The following KLHL6 variants were observed in gnomAD, a reference collection of about 807,000 sequenced individuals.
KLHL6 encodes the protein kelch like family member 6, also known as kelch-like protein 6.
In KLHL6, 41 loss-of-function variants were observed where a neutral mutation model predicts 58.6. The ratio of observed to expected loss-of-function variants is 0.70; its 90% CI spans 0.55 to 0.91. The LOEUF (loss-of-function observed/expected upper bound fraction) is 0.91, where lower values mean the gene tolerates loss of function less well. Among genes scored for constraint, KLHL6 ranks in the 40% least tolerant of loss-of-function variants. KLHL6 has a pLI of 0.00. For missense variants in KLHL6, 714 were observed against 805.6 expected (o/e 0.89, Z 1.38); for synonymous variants, 338 against 322.7 (o/e 1.05, Z -0.51).
At chr3:183,497,133 C>T (rs1191303001) in intron 4 of KLHL6, among the ~76,000 whole-genome samples, 6 of 152,026 alleles carry the variant, frequency 3.9e-5, no homozygotes, top group Non-Finnish European at 7.4e-5. Flanking sequence ...AAAAATTAAC[C>T]AGGCATGGTG....
intron 3 of KLHL6, among the ~76,000 whole-genome samples, chr3:183,503,833 G>C (rs1717933206): frequency 6.6e-6 from 1 of 152,146 alleles, no homozygotes; most frequent in African/African-American, 2.4e-5. Flanking sequence ...GATAGGACAA[G>C]AGGGTTAAAG....
At position 183,492,260 on chromosome 3, in the gene KLHL6, G is replaced by A; in HGVS notation, c.1565-32C>T. ...AGAGGGAGGAAACACGGTGGGCATCGCTCCATTTTTCTGGTTTCTTCCCTC... is the reference window on the plus strand; with the variant it reads ...AGAGGGAGGAAACACGGTGGGCATCACTCCATTTTTCTGGTTTCTTCCCTC... On this transcript the variant is annotated intron_variant, in intron 6 of 6. Transcript: ENST00000341319. The surrounding 1 kb of genome is among the most constrained non-coding windows in gnomAD (Gnocchi z 5.9). 3 of 1,535,854 alleles carry A rather than the reference G, an allele frequency of 2.0e-6. No individual in the cohort carries two copies. Among genetic ancestry groups the A allele is most frequent in the Non-Finnish European group, 2.6e-6 (3 of 1,137,306 alleles).
intron 1 of KLHL6, among the ~76,000 whole-genome samples, chr3:183,544,103 C>T (rs1162363430): frequency 6.8e-6 from 1 of 146,996 alleles, no homozygotes; most frequent in Non-Finnish European, 1.5e-5. Flanking sequence ...GTAGAGTTTG[C>T]CGTGAGCTGA....
At chr3:183,551,050 G>A (rs1320887979) in intron 1 of KLHL6, among the ~76,000 whole-genome samples, 16 of 151,174 alleles carry the variant, frequency 1.1e-4, no homozygotes, top group African/African-American at 3.9e-4. Context: ...GAACCCAGGA[G>A]GCGGAGCTTG....
chr3:183,512,263 G>A (rs761297339), intron 2 of KLHL6, among the ~76,000 whole-genome samples: 1 of 152,160 alleles, frequency 6.6e-6, no homozygotes, highest in Non-Finnish European at 1.5e-5. Flanking sequence ...GGGAAGAGGA[G>A]AGGAAAATTA....
chr3:183,546,771 G>T (rs1455726991), intron 1 of KLHL6, among the ~76,000 whole-genome samples: 1 of 152,160 alleles, frequency 6.6e-6, no homozygotes. Flanking sequence ...TTCACAACTT[G>T]CTGGGATCGG....
At chr3:183,506,514 A>C (rs1429564180) in intron 3 of KLHL6, among the ~76,000 whole-genome samples, 3 of 152,304 alleles carry the variant, frequency 2.0e-5, no homozygotes, top group African/African-American at 7.2e-5. Flanking sequence ...GTGATGGAGC[A>C]ATGCACCAAG....
intron 1 of KLHL6, among the ~76,000 whole-genome samples, chr3:183,554,508 A>G (rs1318397333): frequency 6.6e-6 from 1 of 152,168 alleles, no homozygotes; most frequent in African/African-American, 2.4e-5. Flanking sequence ...TCCTGACTTC[A>G]GGCCTTCCCA....
rs559289192 is a variant in KLHL6, at chr3:183,546,016, T to C, written c.293+9345A>G. Among the ~76,000 whole-genome samples, 399 of 152,276 alleles carry C rather than the reference T, an allele frequency of 2.6e-3. 2 individuals carry two copies. The highest frequency in any genetic ancestry group is 9.4e-3 in the African/African-American group (390 of 41,540). ...CAGGATGTCTGCTGAGTGTCAGCCA[T>C]TGCAATGGCATCGAGGAGAAGAATA... On this transcript the variant is annotated intron_variant, in intron 1 of 6. Transcript: ENST00000341319.
At chr3:183,536,656 T>C (rs1712376874) in intron 1 of KLHL6, among the ~76,000 whole-genome samples, 1 of 152,198 alleles carries the variant, frequency 6.6e-6, no homozygotes, top group Admixed American at 6.5e-5. Context: ...ACCAAGGCGT[T>C]AGCACGATAC....
At chr3:183,519,396 G>A (rs1394893474) in intron 2 of KLHL6, among the ~76,000 whole-genome samples, 1 of 152,154 alleles carries the variant, frequency 6.6e-6, no homozygotes, top group East Asian at 1.9e-4. Context: ...GTGCCACATG[G>A]ACCAATAATG....
Position 183,499,577 on chromosome 3 carries a change from G to T in KLHL6, c.1147+13C>A. The T allele has an allele frequency of 1.3e-6, 2 of 1,555,342 alleles. No individual in the cohort carries two copies. The highest frequency in any genetic ancestry group is 2.4e-5 in the South Asian group (2 of 83,376). On this transcript the variant is annotated intron_variant, in intron 4 of 6. Coordinates refer to ENST00000341319, the MANE Select transcript of KLHL6 (RefSeq NM_130446.4). This position sits in a 1 kb window ranked among gnomAD's most constrained non-coding sequence, Gnocchi z 4.6. ...ACTGGAGCTTGCTTTGCCTTTACAT[G>T]ACTCCTGCTTACCTGAGATGTAGAC...
intron 2 of KLHL6, among the ~76,000 whole-genome samples, chr3:183,519,609 C>T (rs753373751): frequency 3.0e-4 from 45 of 152,022 alleles, no homozygotes; most frequent in Admixed American, 7.9e-4. Flanking sequence ...CAGGTTTGGA[C>T]GACCACAGTG....
chr3:183,533,996 A>G (rs1712243695), intron 1 of KLHL6, among the ~76,000 whole-genome samples: 1 of 138,262 alleles, frequency 7.2e-6, no homozygotes, highest in Non-Finnish European at 1.6e-5. Context: ...CAGGTGACCA[A>G]TTTACAGACC....
intron 1 of KLHL6, among the ~76,000 whole-genome samples, chr3:183,535,184 C>T (rs569714094): frequency 2.6e-5 from 4 of 152,246 alleles, no homozygotes; most frequent in African/African-American, 9.6e-5. Flanking sequence ...ACCTTGTGAT[C>T]TGCCCGCCTC....
At chr3:183,510,814 G>A (rs987852312) in intron 2 of KLHL6, among the ~76,000 whole-genome samples, 6 of 151,898 alleles carry the variant, frequency 4.0e-5, no homozygotes, top group African/African-American at 9.7e-5. Context: ...CGGAGGTTGC[G>A]GTTAGCTGAT....
rs750486401 is a variant in KLHL6, at chr3:183,555,632, C to T, written c.22G>A (p.Gly8Ser). The change falls in exon 1 of 7, where the codon GGC becomes AGC. Residue 8 changes from glycine (G) to serine (S), a missense_variant. By Grantham distance (56) the Gly-to-Ser change is moderately conservative (BLOSUM62 0). Around this residue, in one of 2 missense-constraint regions of KLHL6, gnomAD observed 204 missense variants for 175.9 expected, o/e 1.16. Coordinates refer to ENST00000341319, the MANE Select transcript of KLHL6 (RefSeq NM_130446.4). ...ACCACATCACCCATGGTCCAGGCGC[C>T]CCTTTGTCCTGCCATCAACATCGAG... MLMAGQR[G>S]AWTMGDVVEK... The T allele has an allele frequency of 1.9e-5, 30 of 1,600,840 alleles. No homozygotes were observed. The South Asian group carries it at 2.7e-4, about 14-fold the overall frequency.
rs1193191613 is a variant in KLHL6 at position 183,487,709 on chromosome 3, T to C, written c.*4218A>G. ...TCACTGAGTGTTGGCTATTTATACCTATACATATGAAAATCTGACCTGTCA... is the reference window on the plus strand; with the variant it reads ...TCACTGAGTGTTGGCTATTTATACCCATACATATGAAAATCTGACCTGTCA... On this transcript the variant is annotated 3_prime_UTR_variant, in exon 7 of 7. Transcript: ENST00000341319. The C allele has an allele frequency of 6.6e-6, 1 of 152,230 alleles. No individual in the cohort carries two copies. The highest frequency in any genetic ancestry group is 1.5e-5 in the Non-Finnish European group (1 of 68,042). The allele number at this position is 152,230 out of a possible 1,614,324, so 9.4% of individuals were successfully genotyped here.
At chr3:183,512,431 T>A (rs180889065) in intron 2 of KLHL6, among the ~76,000 whole-genome samples, 87 of 152,290 alleles carry the variant, frequency 5.7e-4, no homozygotes, top group African/African-American at 1.5e-3. Flanking sequence ...CTTTTAGACA[T>A]AACTGAAATA....
Sources: allele counts gnomAD v4.1 joint callset (sites outside exome capture counted in the v4.1 genomes callset), GRCh38; gene constraint gnomAD v4.1.1; regional missense constraint gnomAD v4.1.1; non-coding constraint Gnocchi (gnomAD v3.1); transcripts MANE v1.5; gene names NCBI Gene and HGNC (gene_info 2026-07-23, HGNC 2026-07-21).